KCNQ5: variants seen among roughly 807,000 people sequenced by gnomAD.
KCNQ5 encodes the protein potassium voltage-gated channel subfamily KQT member 5.
A neutral mutation model predicts 98.2 loss-of-function variants in KCNQ5; 30 were observed. The ratio of observed to expected loss-of-function variants is 0.31; its 90% CI spans 0.23 to 0.41. The LOEUF is 0.41. KCNQ5 is among the 10% of genes least tolerant of loss of function. The probability of loss-of-function intolerance (pLI) is 1.00; values close to 1 mark genes in which losing one functional copy is unlikely to be tolerated. For missense variants in KCNQ5, 835 were observed against 1,182.5 expected (o/e 0.71, Z 4.31); for synonymous variants, 458 against 449.4 (o/e 1.02, Z -0.24).
chr6:72,664,134 G>T (rs1390109318), intron 1 of KCNQ5, among the ~76,000 whole-genome samples: 5 of 152,174 alleles, frequency 3.3e-5, no homozygotes, highest in Non-Finnish European at 7.3e-5. Flanking sequence ...TGGAATACAG[G>T]AGTGAACAGA....
At chr6:72,971,136 C>T (rs144286768) in intron 1 of KCNQ5, among the ~76,000 whole-genome samples, 1 of 152,108 alleles carries the variant, frequency 6.6e-6, no homozygotes, top group Non-Finnish European at 1.5e-5. Flanking sequence ...CTACAAAGAA[C>T]TCAAACAAAT....
chr6:72,742,732 G>A (rs550986044), intron 1 of KCNQ5, among the ~76,000 whole-genome samples: 9 of 152,240 alleles, frequency 5.9e-5, no homozygotes, highest in African/African-American at 1.7e-4. Context: ...CTGCAGGGTC[G>A]TTCAGAAACA....
intron 1 of KCNQ5, among the ~76,000 whole-genome samples, chr6:72,710,416 C>T (rs950214919): frequency 3.9e-5 from 6 of 152,048 alleles, no homozygotes; most frequent in Admixed American, 6.6e-5. Flanking sequence ...CAAAACAAAA[C>T]AAGACCCAAC....
chr6:72,796,471 G>GAGGCCA (rs1249521576), intron 1 of KCNQ5, among the ~76,000 whole-genome samples: 1 of 151,862 alleles, frequency 6.6e-6, no homozygotes, highest in African/African-American at 2.4e-5. Context: ...AGCTGATAAT[G>GAGGCCA]AGGCCAAGGC....
rs138438343 is a variant in KCNQ5, at chr6:72,759,008, G to A, written c.398+136421G>A. On this transcript the variant is annotated intron_variant, in intron 1 of 13. Transcript: ENST00000370398. The stretch of plus-strand genomic sequence containing the variant: ...AGAGTCCACTGAAACTACACATTTA[G>A]TAAAGGGAAACAAGATCTTTGGTTT... Among the ~76,000 whole-genome samples the A allele has an allele frequency of 1.9e-4, 29 of 152,256 alleles. No individual in the cohort carries two copies. In the East Asian group the frequency reaches 5.2e-3, roughly 27 times the overall value.
chr6:72,649,925 A>G (rs933104590), intron 1 of KCNQ5, among the ~76,000 whole-genome samples: 10 of 152,156 alleles, frequency 6.6e-5, no homozygotes, highest in Non-Finnish European at 1.0e-4. Flanking sequence ...ATATTGCAGC[A>G]ACTGACACAT....
At chr6:72,722,218 C>A (rs1257880056) in intron 1 of KCNQ5, among the ~76,000 whole-genome samples, 2 of 152,188 alleles carry the variant, frequency 1.3e-5, no homozygotes, top group Non-Finnish European at 2.9e-5. Flanking sequence ...CTTCTGACCT[C>A]CAGAACTATA....
chr6:72,663,218 T>G (rs7749594), intron 1 of KCNQ5, among the ~76,000 whole-genome samples: 11,074 of 152,178 alleles, frequency 0.073, 1,082 homozygotes, highest in African/African-American at 0.22. Flanking sequence ...CCATGGCACG[T>G]GTATACCTAT....
At chr6:72,784,701 G>C (rs1773648813) in intron 1 of KCNQ5, among the ~76,000 whole-genome samples, 2 of 152,190 alleles carry the variant, frequency 1.3e-5, no homozygotes, top group Non-Finnish European at 2.9e-5. Context: ...AAGTGGCAAA[G>C]TGACCAAGAG....
chr6:72,962,567 A>G (rs1202376668), intron 1 of KCNQ5, among the ~76,000 whole-genome samples: 2 of 152,174 alleles, frequency 1.3e-5, no homozygotes, highest in Non-Finnish European at 2.9e-5. Context: ...TGGGTCATGC[A>G]TGGTGGCCTT....
chr6:72,854,021 A>T (rs567461362), intron 1 of KCNQ5, among the ~76,000 whole-genome samples: 4 of 152,344 alleles, frequency 2.6e-5, no homozygotes, highest in South Asian at 2.1e-4. Context: ...ATGACAGACC[A>T]AATCATGCCA....
intron 1 of KCNQ5, among the ~76,000 whole-genome samples, chr6:72,752,125 G>A (rs537890139): frequency 3.2e-4 from 49 of 152,244 alleles, no homozygotes; most frequent in African/African-American, 1.2e-3. Context: ...TTGAGCATCT[G>A]TCTTGAAGGA....
chr6:72,970,630 G>C (rs986792359), intron 1 of KCNQ5, among the ~76,000 whole-genome samples: 2 of 152,108 alleles, frequency 1.3e-5, no homozygotes, highest in Admixed American at 6.6e-5. Context: ...AAACAGCATG[G>C]TACTGGTACC....
In KCNQ5 at chr6:73,000,489, TC is replaced by T. The variant is rs748674451; in HGVS notation, c.399-3417del. ...AGGGGGAAAAAAATACTTCCATATCTCCAGCTAGAATTTATAGCCGAGATTT... is the reference window on the plus strand; with the variant it reads ...AGGGGGAAAAAAATACTTCCATATCTCAGCTAGAATTTATAGCCGAGATTT... On this transcript the variant is annotated intron_variant, in intron 1 of 13. Transcript: ENST00000370398. 2.0e-4 allele frequency among the ~76,000 whole-genome samples: 31 copies of T among 152,184 alleles called. 1 individual carries two copies. The highest frequency in any genetic ancestry group is 4.4e-4 in the Non-Finnish European group (30 of 68,034).
Position 73,096,841 on chromosome 6 carries a change from AAGACC to A in KCNQ5, c.919-8413_919-8409del, listed in dbSNP as rs535404210. Among the ~76,000 whole-genome samples, 336 of 152,198 alleles carry A rather than the reference AAGACC, an allele frequency of 2.2e-3. 2 individuals carry two copies. Among genetic ancestry groups the A allele is most frequent in the African/African-American group, 7.9e-3 (327 of 41,532 alleles). On this transcript the variant is annotated intron_variant, in intron 5 of 13. Coordinates refer to ENST00000370398, the MANE Select transcript of KCNQ5 (RefSeq NM_019842.4). ...GGGGATCATTTGAAGTCAAAAGTTC[AAGACC>A]AGCCTGGCCAACATGGTGAAACCCT...
At chr6:72,920,983 G>A (rs376724238) in intron 1 of KCNQ5, among the ~76,000 whole-genome samples, 1 of 152,226 alleles carries the variant, frequency 6.6e-6, no homozygotes, top group Non-Finnish European at 1.5e-5. Context: ...TGGACCACCT[G>A]AAACATGAAA....
chr6:72,649,560 A>G (rs1276716463), intron 1 of KCNQ5, among the ~76,000 whole-genome samples: 1 of 152,170 alleles, frequency 6.6e-6, no homozygotes, highest in African/African-American at 2.4e-5. Flanking sequence ...ATACTCTACT[A>G]ACCACCATCA....
intron 1 of KCNQ5, among the ~76,000 whole-genome samples, chr6:72,981,579 T>C (rs941454452): frequency 6.6e-6 from 1 of 152,182 alleles, no homozygotes; most frequent in African/African-American, 2.4e-5. Flanking sequence ...TAGTGGTCTA[T>C]CAATTTTGTT....
chr6:72,790,056 T>A (rs1773956604), intron 1 of KCNQ5, among the ~76,000 whole-genome samples: 1 of 152,208 alleles, frequency 6.6e-6, no homozygotes, highest in South Asian at 2.1e-4. Context: ...TCAAGATAAA[T>A]GTTTGACAAA....
Sources: allele counts gnomAD v4.1 joint callset (sites outside exome capture counted in the v4.1 genomes callset), GRCh38; gene constraint gnomAD v4.1.1; transcripts MANE v1.5; gene names NCBI Gene and HGNC (gene_info 2026-07-23, HGNC 2026-07-21).